CEP126: variants seen among roughly 807,000 people sequenced by gnomAD.
CEP126 encodes centrosomal protein 126.
In CEP126, 74 loss-of-function variants were observed where a neutral mutation model predicts 107.8. The ratio of observed to expected loss-of-function variants is 0.69; its 90% CI spans 0.57 to 0.83. CEP126 has a LOEUF of 0.83. Among genes scored for constraint, CEP126 ranks in the 40% least tolerant of loss-of-function variants. The pLI, the probability that CEP126 is intolerant of heterozygous loss-of-function variation, is 0.00. For synonymous variants in CEP126, 449 were observed against 446.0 expected, an observed-to-expected ratio of 1.01 and a Z score of -0.08; for missense variants, 1,237 against 1,281.9, an observed-to-expected ratio of 0.96 and a Z score of 0.53.
At position 101,948,077 on chromosome 11, in the gene CEP126, T is replaced by G. The variant is rs754071306; in HGVS notation, c.441T>G (p.Ile147Met). The G allele has an allele frequency of 6.2e-7, 1 of 1,612,022 alleles. No individual in the cohort carries two copies. Among genetic ancestry groups the G allele is most frequent in the Non-Finnish European group, 8.5e-7 (1 of 1,178,670 alleles). ...CATTAGAAGAGGCCCTCAAACAAAT[T>G]CAGGAATCCAACTTAAAATCAGAAG... ...VPPLEEALKQ[I>M]QESNLKSEVN... The change falls in exon 4 of 11, where the codon ATT (isoleucine) becomes ATG (methionine). Residue 147 changes from isoleucine to methionine, a missense_variant. Physicochemically the swap from Ile to Met is conservative, Grantham distance 10. This residue lies in a region of CEP126 where 1,134 missense variants were observed against 1,150.5 expected (regional missense o/e 0.99). Coordinates refer to ENST00000263468, the MANE Select transcript of CEP126 (RefSeq NM_020802.4).
Position 101,946,640 on chromosome 11 carries a change from C to G in CEP126, c.395-1391C>G, listed in dbSNP as rs1221064584. Among the ~76,000 whole-genome samples, 3 of 151,946 alleles carry G rather than the reference C, an allele frequency of 2.0e-5. No individual in the cohort carries two copies. In the South Asian group the frequency reaches 6.2e-4, roughly 32 times the overall value. On this transcript the variant is annotated intron_variant, in intron 3 of 10. Transcript: ENST00000263468. ...CTTTGGGAGGCTGAGGCGGGTGGACCACTGAGGTTGGGAGTTCGAGACCAG... is the reference window on the plus strand; with the variant it reads ...CTTTGGGAGGCTGAGGCGGGTGGACGACTGAGGTTGGGAGTTCGAGACCAG...
In CEP126 at chr11:101,963,665, C is replaced by A; in HGVS notation, c.2630C>A (p.Ser877Ter). Residue 877 changes from serine (S) to a stop codon, truncating the protein, a stop_gained, in exon 6 of 11, where the codon TCA becomes TAA. Transcript: ENST00000263468. LOFTEE classifies it high-confidence loss of function. ...DLVTVIPSLPSYCSSECQTFA... is the reference protein window; with the variant it reads ...DLVTVIPSLP ...GTCACTGTGATACCATCACTGCCAT[C>A]ATATTGTTCTTCAGAGTGCCAAACT... The A allele has an allele frequency of 6.2e-7, 1 of 1,614,114 alleles. No homozygotes were observed. Among genetic ancestry groups the A allele is most frequent in the Non-Finnish European group, 8.5e-7 (1 of 1,180,008 alleles).
chr11:101,969,101 GCAT>G (rs1481000101), intron 6 of CEP126, among the ~76,000 whole-genome samples: 3 of 152,034 alleles, frequency 2.0e-5, no homozygotes, highest in African/African-American at 7.2e-5. Flanking sequence ...GCTCACTGCA[GCAT>G]CATCCTCCTG....
chr11:101,976,859 C>T (rs1941197921), intron 6 of CEP126, among the ~76,000 whole-genome samples: 1 of 152,166 alleles, frequency 6.6e-6, no homozygotes, highest in Non-Finnish European at 1.5e-5. Context: ...TGTGCTTTCA[C>T]TTAATTCCAC....
chr11:101,946,668 T>A (rs1347846263), intron 3 of CEP126, among the ~76,000 whole-genome samples: 1 of 151,998 alleles, frequency 6.6e-6, no homozygotes, highest in East Asian at 1.9e-4. Flanking sequence ...GAGACCAGCC[T>A]GGCCAACATG....
chr11:101,935,723 C>A (rs1484116682), intron 2 of CEP126, among the ~76,000 whole-genome samples: 2 of 151,992 alleles, frequency 1.3e-5, no homozygotes, highest in East Asian at 3.9e-4. Context: ...AGCATTATAG[C>A]AGGAATTCTC....
At chr11:101,986,752 A>G (rs1591295084) in intron 8 of CEP126, 80 bp from the exon 9 acceptor site, 4 of 951,110 alleles carry the variant, frequency 4.2e-6, no homozygotes, top group East Asian at 2.4e-5. Flanking sequence ...TTAAGCATGT[A>G]TAAGTATATG....
At chr11:101,951,159 G>C (rs1489957197) in intron 4 of CEP126, among the ~76,000 whole-genome samples, 5 of 152,116 alleles carry the variant, frequency 3.3e-5, no homozygotes, top group Admixed American at 1.3e-4. Context: ...GTGCAGAGAA[G>C]TAGCATAAAG....
chr11:101,970,318 A>T (rs1034013204), intron 6 of CEP126, among the ~76,000 whole-genome samples: 4 of 152,234 alleles, frequency 2.6e-5, no homozygotes, highest in African/African-American at 9.6e-5. Context: ...CTCACACCAT[A>T]ATATTGTGCA....
intron 1 of CEP126, among the ~76,000 whole-genome samples, chr11:101,922,190 G>C (rs943003756): frequency 7.0e-6 from 1 of 142,672 alleles, no homozygotes; most frequent in African/African-American, 2.6e-5. Flanking sequence ...TTGAGATGGA[G>C]TCTTGCTCTT....
intron 10 of CEP126, among the ~76,000 whole-genome samples, chr11:101,995,076 A>C (rs1044469334): frequency 6.6e-6 from 1 of 151,846 alleles, no homozygotes; most frequent in South Asian, 2.1e-4. Flanking sequence ...CCCTGTGTCC[A>C]TGTGTTCTCA....
At chr11:101,957,274 A>G (rs529761912) in intron 4 of CEP126, among the ~76,000 whole-genome samples, 49 of 152,320 alleles carry the variant, frequency 3.2e-4, no homozygotes, top group African/African-American at 1.1e-3. Flanking sequence ...TTCTCATTAA[A>G]GTGGGAATAA....
At chr11:101,929,732 C>G (rs1262839285) in intron 2 of CEP126, among the ~76,000 whole-genome samples, 1 of 152,108 alleles carries the variant, frequency 6.6e-6, no homozygotes, top group Non-Finnish European at 1.5e-5. Context: ...GAGATGAAAG[C>G]CAGGCGTTCT....
intron 4 of CEP126, among the ~76,000 whole-genome samples, chr11:101,949,641 GA>G (rs199845155): frequency 2.6e-5 from 4 of 151,712 alleles, no homozygotes; most frequent in Non-Finnish European, 4.4e-5. Context: ...ATTTTCATGG[GA>G]AAAAAAATAG....
chr11:101,947,161 A>G (rs1323633191), intron 3 of CEP126, among the ~76,000 whole-genome samples: 1 of 152,156 alleles, frequency 6.6e-6, no homozygotes, highest in African/African-American at 2.4e-5. Context: ...GAAAAGTTTG[A>G]TGACATGTTG....
chr11:101,915,121 G>C lies in CEP126; in HGVS notation c.-164G>C. ...TGCCATCGCCGCTACAGGCACCAGT[G>C]CCGCTGCGCGGGAGCTAGGGCTGTC... On this transcript the variant is annotated 5_prime_UTR_variant, in exon 1 of 11. Transcript: ENST00000263468. The C allele has an allele frequency of 1.9e-6, 2 of 1,067,272 alleles. No individual in the cohort carries two copies. Among genetic ancestry groups the C allele is most frequent in the Non-Finnish European group, 2.6e-6 (2 of 762,028 alleles). 66.1% of individuals were successfully genotyped at this position (1,067,272 alleles called of 1,614,324 possible). A position where few individuals can be genotyped will look rare whatever the true frequency, so the allele number is the denominator to read the frequency against.
intron 9 of CEP126, among the ~76,000 whole-genome samples, chr11:101,987,760 A>G (rs1941332384): frequency 6.6e-6 from 1 of 152,172 alleles, no homozygotes; most frequent in Admixed American, 6.5e-5. Context: ...ACAGTCTAAT[A>G]CAAGTATCAC....
intron 4 of CEP126, among the ~76,000 whole-genome samples, chr11:101,952,428 T>C (rs1286546218): frequency 6.6e-6 from 1 of 152,198 alleles, no homozygotes; most frequent in African/African-American, 2.4e-5. Flanking sequence ...AATGGCACTT[T>C]AGTTGATGAA....
At chr11:101,969,948 T>C (rs1190384494) in intron 6 of CEP126, among the ~76,000 whole-genome samples, 1 of 152,230 alleles carries the variant, frequency 6.6e-6, no homozygotes, top group Non-Finnish European at 1.5e-5. Context: ...ACTGCAGGTC[T>C]AAATGTGGAA....
Sources: allele counts gnomAD v4.1 joint callset (sites outside exome capture counted in the v4.1 genomes callset), GRCh38; gene constraint gnomAD v4.1.1; regional missense constraint gnomAD v4.1.1; transcripts MANE v1.5; gene names NCBI Gene and HGNC (gene_info 2026-07-23, HGNC 2026-07-21).